The following ARAP2 variants were observed in gnomAD, a reference collection of about 807,000 sequenced individuals.
The protein encoded by ARAP2 is arf-GAP with Rho-GAP domain, ANK repeat and PH domain-containing protein 2.
Under a neutral mutation model 194.5 loss-of-function variants are expected in ARAP2, and 148 were observed. That is an observed-to-expected ratio of 0.76 (90% confidence interval 0.67 to 0.87). The LOEUF (loss-of-function observed/expected upper bound fraction) is 0.87, where lower values mean the gene tolerates loss of function less well. Among genes scored for constraint, ARAP2 ranks in the 40% least tolerant of loss-of-function variants. The pLI is 0.00. For missense variants in ARAP2, 2,128 were observed against 1,989.7 expected (o/e 1.07, Z -1.32); for synonymous variants, 695 against 683.5 (o/e 1.02, Z -0.26).
rs1177423515 is a variant in ARAP2 at position 36,165,039 on chromosome 4, G to C, written c.2048C>G (p.Ser683Cys). ...AATCTTCTCAGCTACTTCATAATCA[G>C]AGAGAGTTTCTGCTATTGATTGCTG... ...AVQQSIAETLSDYEVAEKIWF... is the reference protein window; with the variant it reads ...AVQQSIAETLCDYEVAEKIWF... The change falls in exon 11 of 33, where the codon TCT becomes TGT. Residue 683 changes from serine (S) to cysteine (C), a missense_variant. Physicochemically the swap from Ser to Cys is moderately radical, Grantham distance 112. Transcript: ENST00000303965. 6.2e-7 allele frequency: 1 copy of C among 1,613,954 alleles called. No individual in the cohort carries two copies. Among genetic ancestry groups the C allele is most frequent in the African/African-American group, 1.3e-5 (1 of 74,930 alleles).
At chr4:36,144,427 C>T (rs1178761708) in intron 19 of ARAP2, among the ~76,000 whole-genome samples, 2 of 151,708 alleles carry the variant, frequency 1.3e-5, no homozygotes, top group Non-Finnish European at 2.9e-5. Context: ...AATAATTCCT[C>T]ATTATTTCTG....
At chr4:36,234,850 C>A (rs556804424) in intron 1 of ARAP2, among the ~76,000 whole-genome samples, 1 of 152,242 alleles carries the variant, frequency 6.6e-6, no homozygotes, top group East Asian at 1.9e-4. Context: ...ACAATAAATA[C>A]CAGATTACTT....
At chr4:36,111,843 CAG>C (rs1398046056) in intron 26 of ARAP2, among the ~76,000 whole-genome samples, 1 of 151,908 alleles carries the variant, frequency 6.6e-6, no homozygotes, top group Non-Finnish European at 1.5e-5. Context: ...GGCCAGTAGC[CAG>C]AGATACAGAG....
At chr4:36,207,701 GTC>G (rs2109256802) in intron 6 of ARAP2, among the ~76,000 whole-genome samples, 1 of 152,070 alleles carries the variant, frequency 6.6e-6, no homozygotes, top group African/African-American at 2.4e-5. Flanking sequence ...ACTAGAATGT[GTC>G]TGTTAGTTTT....
At chr4:36,207,367 C>T (rs773959644) in intron 6 of ARAP2, among the ~76,000 whole-genome samples, 5 of 152,184 alleles carry the variant, frequency 3.3e-5, no homozygotes, top group Non-Finnish European at 5.9e-5. Context: ...CCAAATTCAA[C>T]ATTTTATTGT....
chr4:36,221,233 A>C (rs1749103969), intron 2 of ARAP2, among the ~76,000 whole-genome samples: 1 of 152,124 alleles, frequency 6.6e-6, no homozygotes, highest in Admixed American at 6.6e-5. Flanking sequence ...GTGTAAGTAC[A>C]TCCCATGATG....
chr4:36,056,307 C>A (rs989104942), intron 2 of ARAP2, among the ~76,000 whole-genome samples: 1 of 152,138 alleles, frequency 6.6e-6, no homozygotes, highest in Non-Finnish European at 1.5e-5. Context: ...ACAGCATGAA[C>A]GTGAAACCTG....
chr4:36,128,497 C>CACACACAT, intron 21 of ARAP2, 36 bp downstream of exon 21: 1 of 1,521,986 alleles, frequency 6.6e-7, no homozygotes, highest in South Asian at 1.1e-5. Context: ...CACACACACA[C>CACACACAT]ACACACATAT....
Position 36,160,494 on chromosome 4 carries a change from G to A in ARAP2, c.2407C>T (p.Leu803Phe), listed in dbSNP as rs200599302. ...KYKEGKFRKT[L>F]LASLTKEELN... The stretch of plus-strand genomic sequence containing the variant: ...TCTTCTTTGGTGAGAGATGCCAAAA[G>A]AGTTTTTCTGAATTTTCCTTCTTTA... The change falls in exon 13 of 33, where the codon CTT (leucine) becomes TTT (phenylalanine). Residue 803 changes from leucine to phenylalanine, a missense_variant. Physicochemically the swap from Leu to Phe is conservative, Grantham distance 22. Transcript: ENST00000303965. 4.6e-5 allele frequency: 72 copies of A among 1,569,722 alleles called. No individual in the cohort carries two copies. The highest frequency in any genetic ancestry group is 2.6e-6 in the Non-Finnish European group (3 of 1,163,520).
intron 8 of ARAP2, among the ~76,000 whole-genome samples, chr4:36,183,740 G>C (rs1478501322): frequency 6.6e-6 from 1 of 152,190 alleles, no homozygotes; most frequent in African/African-American, 2.4e-5. Context: ...AAATTCACTT[G>C]CAACTAAGAG....
intron 19 of ARAP2, among the ~76,000 whole-genome samples, chr4:36,135,649 G>T (rs1386024705): frequency 2.6e-5 from 4 of 151,870 alleles, no homozygotes; most frequent in Non-Finnish European, 5.9e-5. Flanking sequence ...ATTGCTGGAT[G>T]TATTTGTCTA....
At chr4:36,197,657 G>A (rs1383930099) in intron 6 of ARAP2, among the ~76,000 whole-genome samples, 2 of 152,228 alleles carry the variant, frequency 1.3e-5, no homozygotes, top group African/African-American at 2.4e-5. Context: ...GGCAAGCCAG[G>A]TGTGGAGCAG....
At chr4:36,145,081 GA>G (rs572641889) in intron 19 of ARAP2, among the ~76,000 whole-genome samples, 1 of 151,502 alleles carries the variant, frequency 6.6e-6, no homozygotes, top group African/African-American at 2.4e-5. Flanking sequence ...AAGCCAAGGG[GA>G]AAAAAACCAA....
Position 36,158,812 on chromosome 4 carries a change from G to A in ARAP2, c.2670C>T (p.Ser890=). ...AAAAGTCACAGAGGAATGTGGACTG[G>A]GAAGACTCTTGACTTAATACACCCT... ...HSEGVLSQES[S]QSTFLCDFLY... is the part of the protein sequence containing the mutation. The change falls in exon 15 of 33, where the codon TCC becomes TCT. Residue 890 remains serine (S), a synonymous_variant. Coordinates refer to ENST00000303965, the MANE Select transcript of ARAP2 (RefSeq NM_015230.4). 6 of 1,612,052 alleles carry A rather than the reference G, an allele frequency of 3.7e-6. No homozygotes were observed. Among genetic ancestry groups the A allele is most frequent in the Non-Finnish European group, 4.2e-6 (5 of 1,179,210 alleles).
In ARAP2 at chr4:36,066,425, G is replaced by T. The variant is rs1725474226; in HGVS notation, c.*1482C>A. On this transcript the variant is annotated 3_prime_UTR_variant, in exon 33 of 33. Transcript: ENST00000303965. ...AGAATAAATATCTCATACCCATGGTGAACTATTTTATCACCCCAAAATACA... is the reference window on the plus strand; with the variant it reads ...AGAATAAATATCTCATACCCATGGTTAACTATTTTATCACCCCAAAATACA... 6.6e-6 allele frequency: 1 copy of T among 151,894 alleles called. No individual in the cohort carries two copies. Among genetic ancestry groups the T allele is most frequent in the African/African-American group, 2.4e-5 (1 of 41,348 alleles). The allele number at this position is 151,894 out of a possible 1,614,324, so 9.4% of individuals were successfully genotyped here. A position where few individuals can be genotyped will look rare whatever the true frequency, so the allele number is the denominator to read the frequency against.
chr4:36,221,931 T>C (rs1439644864), intron 2 of ARAP2, among the ~76,000 whole-genome samples: 2 of 152,108 alleles, frequency 1.3e-5, no homozygotes, highest in Non-Finnish European at 2.9e-5. Flanking sequence ...ATCCTACCAA[T>C]AAAGGCGGGA....
chr4:36,200,850 G>C (rs1212264726), intron 6 of ARAP2, among the ~76,000 whole-genome samples: 1 of 152,006 alleles, frequency 6.6e-6, no homozygotes, highest in African/African-American at 2.4e-5. Flanking sequence ...AAAGTACTTC[G>C]AAAAGTTTTC....
chr4:36,014,322 G>GAAAGAA lies in ARAP2; in HGVS notation n.1056+1063_1056+1064insTTCTTT, dbSNP rs1560265031. Among the ~76,000 whole-genome samples, 466 of 128,302 alleles carry GAAAGAA rather than the reference G, an allele frequency of 3.6e-3. 9 individuals carry two copies. Among genetic ancestry groups the GAAAGAA allele is most frequent in the African/African-American group, 0.014 (453 of 33,260 alleles). 84.2% of individuals were successfully genotyped at this position (128,302 alleles called of 152,430 possible). ...GAAGAGAAGGAAGGAAAGAAAGAAA[G>GAAAGAA]AGAGAAAGAAAGAAAGAAAGAAAGA... On this transcript the variant is annotated intron_variant and non_coding_transcript_variant, in intron 8 of 12. Transcript: ENST00000503225.
At chr4:36,134,362 T>C (rs1157420741) in intron 19 of ARAP2, among the ~76,000 whole-genome samples, 1 of 142,562 alleles carries the variant, frequency 7.0e-6, no homozygotes, top group Non-Finnish European at 1.6e-5. Flanking sequence ...TGTAGATCAG[T>C]CTCTTTACCC....
Sources: allele counts gnomAD v4.1 joint callset (sites outside exome capture counted in the v4.1 genomes callset), GRCh38; gene constraint gnomAD v4.1.1; transcripts MANE v1.5; gene names NCBI Gene and HGNC (gene_info 2026-07-23, HGNC 2026-07-21).